CFAP52: variants seen among roughly 807,000 people sequenced by gnomAD.
CFAP52 encodes cilia- and flagella-associated protein 52.
In CFAP52, 57 loss-of-function variants were observed where a neutral mutation model predicts 70.5. The ratio of observed to expected loss-of-function variants is 0.81; its 90% confidence interval spans 0.65 to 1.01. The LOEUF (loss-of-function observed/expected upper bound fraction) is 1.01, where lower values mean the gene tolerates loss of function less well. CFAP52 is among the 50% of genes least tolerant of loss of function. CFAP52 has a pLI of 0.00. For missense variants in CFAP52, 785 were observed against 788.5 expected (o/e 1.00, Z 0.05); for synonymous variants, 267 against 292.5 (o/e 0.91, Z 0.89).
intron 3 of CFAP52, among the ~76,000 whole-genome samples, chr17:9,589,011 A>C (rs1908623791): frequency 6.6e-6 from 1 of 152,076 alleles, no homozygotes; most frequent in African/African-American, 2.4e-5. Context: ...CTGAGGCAGG[A>C]GAATCACTTG....
chr17:9,579,004 C>A (rs1908095359), intron 1 of CFAP52, among the ~76,000 whole-genome samples: 1 of 152,140 alleles, frequency 6.6e-6, no homozygotes, highest in Admixed American at 6.5e-5. Context: ...GTCTGACCTC[C>A]CATTCCGTCA....
Position 9,635,485 on chromosome 17 carries a change from T to G in CFAP52, c.1401T>G (p.Ile467Met), listed in dbSNP as rs772414698. Reference sequence around the variant, plus strand: ...AACACAAGTCATCAGTGTCCTGCATTAGGGTGAAGAGGAACAACGAGGAGT... The same window carrying G: ...AACACAAGTCATCAGTGTCCTGCATGAGGGTGAAGAGGAACAACGAGGAGT... ...LKEHKSSVSCIRVKRNNEECV... is the reference protein window; with the variant it reads ...LKEHKSSVSCMRVKRNNEECV... The change falls in exon 11 of 14, where the codon ATT becomes ATG. Residue 467 changes from isoleucine (I) to methionine (M), a missense_variant. Transcript: ENST00000352665. The G allele has an allele frequency of 1.9e-6, 3 of 1,614,122 alleles. No individual in the cohort carries two copies. The highest frequency in any genetic ancestry group is 2.7e-5 in the African/African-American group (2 of 75,026).
intron 1 of CFAP52, 69 bp downstream of exon 1, chr17:9,576,834 A>G (rs2151922531): frequency 6.6e-7 from 1 of 1,505,422 alleles, no homozygotes; most frequent in Non-Finnish European, 9.0e-7. Context: ...AAACAGGAAT[A>G]GTGAGACACC....
intron 1 of CFAP52, among the ~76,000 whole-genome samples, chr17:9,577,502 A>T (rs1437338184): frequency 6.6e-6 from 1 of 152,236 alleles, no homozygotes; most frequent in East Asian, 1.9e-4. Context: ...TGAGAAAACA[A>T]TGAATTAGAT....
At chr17:9,608,058 A>C in intron 6 of CFAP52, 61 bp from the exon 7 acceptor site, 2 of 1,407,964 alleles carry the variant, frequency 1.4e-6, no homozygotes, top group Non-Finnish European at 2.0e-6. Flanking sequence ...ACATGAGTAC[A>C]TTCTTTAGTG....
chr17:9,598,367 G>A (rs1466709942), intron 5 of CFAP52, 34 bp downstream of exon 5: 1 of 1,568,152 alleles, frequency 6.4e-7, no homozygotes, highest in Non-Finnish European at 8.7e-7. Context: ...GTAACAATTA[G>A]CACACGTTCC....
intron 9 of CFAP52, 94 bp downstream of exon 9, chr17:9,628,914 C>A (rs920326419): frequency 5.5e-5 from 84 of 1,539,712 alleles, no homozygotes; most frequent in Non-Finnish European, 5.2e-5. Flanking sequence ...ATGTGGATAA[C>A]CTAGAACAGC....
intron 9 of CFAP52, among the ~76,000 whole-genome samples, chr17:9,629,913 G>A (rs539987493): frequency 1.2e-4 from 18 of 151,812 alleles, no homozygotes; most frequent in South Asian, 2.1e-4. Flanking sequence ...TCTTGGCCCT[G>A]TCTTCTCCTC....
intron 6 of CFAP52, among the ~76,000 whole-genome samples, chr17:9,606,747 G>A (rs1157807439): frequency 6.6e-6 from 1 of 152,172 alleles, no homozygotes; most frequent in African/African-American, 2.4e-5. Flanking sequence ...CAAGTCCCCA[G>A]ATAAATGCTA....
At position 9,613,799 on chromosome 17, in the gene CFAP52, G is replaced by A. The variant is rs549674604; in HGVS notation, c.1025+1320G>A. Among the ~76,000 whole-genome samples the A allele has an allele frequency of 2.6e-3, 396 of 152,106 alleles. 3 individuals are homozygous for A. The highest frequency in any genetic ancestry group is 9.2e-3 in the African/African-American group (380 of 41,518). Reference sequence around the variant, plus strand: ...CTCCCAAGGTGTTGGGATTACAGGCGTGAGCCACTGCACCCGGCCTCAGAC... The same window carrying A: ...CTCCCAAGGTGTTGGGATTACAGGCATGAGCCACTGCACCCGGCCTCAGAC... On this transcript the variant is annotated intron_variant, in intron 8 of 13. Transcript: ENST00000352665.
intron 9 of CFAP52, among the ~76,000 whole-genome samples, chr17:9,629,514 TTTC>T (rs969642432): frequency 7.3e-5 from 11 of 151,624 alleles, no homozygotes; most frequent in East Asian, 1.9e-4. Flanking sequence ...TCTTTCTTTC[TTTC>T]TTCTTTCTTT....
rs147509941 is a variant in CFAP52 at position 9,628,306 on chromosome 17, G to T, written c.1026-366G>T. Among the ~76,000 whole-genome samples, 76 of 148,972 alleles carry T rather than the reference G, an allele frequency of 5.1e-4. No homozygotes were observed. In the East Asian group the frequency reaches 0.014, roughly 28 times the overall value. On this transcript the variant is annotated intron_variant, in intron 8 of 13. Coordinates refer to ENST00000352665, the MANE Select transcript of CFAP52 (RefSeq NM_145054.5). ...TCTTTTTTTTTTTTTTTGAGATGGA[G>T]CCTAGCTCTGTCACCCAGGCTGGAG...
intron 8 of CFAP52, 150 bp from the exon 9 acceptor site, chr17:9,628,521 AC>A: frequency 1.1e-5 from 11 of 986,264 alleles, no homozygotes; most frequent in Admixed American, 5.5e-5. Context: ...CTCGTGATCC[AC>A]CCCCCTGGCC....
chr17:9,638,637 G>C lies in CFAP52; in HGVS notation c.1501G>C (p.Ala501Pro). 2 of 1,614,158 alleles carry C rather than the reference G, an allele frequency of 1.2e-6. No homozygotes were observed. The highest frequency in any genetic ancestry group is 1.3e-5 in the African/African-American group (1 of 75,048). ...VRLRRNQMILANTLFQCVCYH... is the reference protein window; with the variant it reads ...VRLRRNQMILPNTLFQCVCYH... The stretch of plus-strand genomic sequence containing the variant: ...TCTCAGGAGGAATCAGATGATACTA[G>C]CCAACACCTTATTCCAGTGTGTGTG... The change falls in exon 12 of 14, where the codon GCC becomes CCC. Residue 501 changes from alanine to proline, a missense_variant. Transcript: ENST00000352665.
intron 8 of CFAP52, among the ~76,000 whole-genome samples, chr17:9,616,546 G>A (rs1446582812): frequency 9.6e-5 from 14 of 145,430 alleles, no homozygotes; most frequent in African/African-American, 3.4e-4. Flanking sequence ...TCTGGGGGCA[G>A]GGCACAGACA....
intron 6 of CFAP52, among the ~76,000 whole-genome samples, chr17:9,604,474 T>C (rs545248121): frequency 4.6e-5 from 7 of 151,956 alleles, no homozygotes; most frequent in Admixed American, 1.3e-4. Flanking sequence ...CTAAAGAAGA[T>C]ATACAGATGG....
chr17:9,587,809 G>A lies in CFAP52; in HGVS notation c.407+975G>A, dbSNP rs150190874. 2.4e-3 allele frequency among the ~76,000 whole-genome samples: 365 copies of A among 152,222 alleles called. 2 individuals are homozygous for A. Among genetic ancestry groups the A allele is most frequent in the African/African-American group, 8.2e-3 (342 of 41,526 alleles). ...AATATTTGCTTATTTTCTGCAAGGC[G>A]TATTTCCAGAAGTGACAAGGGCCCT... On this transcript the variant is annotated intron_variant, in intron 3 of 13. Coordinates refer to ENST00000352665, the MANE Select transcript of CFAP52 (RefSeq NM_145054.5).
At chr17:9,616,408 A>C (rs1394590630) in intron 8 of CFAP52, among the ~76,000 whole-genome samples, 1 of 126,044 alleles carries the variant, frequency 7.9e-6, no homozygotes, top group Non-Finnish European at 1.6e-5. Context: ...GCAAGGCGGC[A>C]ACGAGGCTGG....
chr17:9,600,112 G>C lies in CFAP52; in HGVS notation c.682G>C (p.Asp228His). The change falls in exon 6 of 14, where the codon GAT (aspartate) becomes CAT (histidine). Residue 228 changes from aspartate to histidine, a missense_variant. Coordinates refer to ENST00000352665, the MANE Select transcript of CFAP52 (RefSeq NM_145054.5). The part of the protein sequence containing the change: ...SFFYLGTTTG[D>H]ILKMNPRTKL... ...TTTCTACCTTGGCACCACGACTGGA[G>C]ATATTCTAAAAATGAACCCCAGGAC... 1.2e-6 allele frequency: 2 copies of C among 1,614,002 alleles called. No homozygotes were observed. The highest frequency in any genetic ancestry group is 1.7e-6 in the Non-Finnish European group (2 of 1,179,956).
Sources: gnomAD v4.1 joint callset for allele counts (sites outside exome capture counted in the v4.1 genomes callset) on GRCh38, gnomAD v4.1.1 for gene constraint, MANE v1.5 for transcripts, NCBI Gene and HGNC (gene_info 2026-07-23, HGNC 2026-07-21) for gene names.